DPYD: variants seen among roughly 807,000 people sequenced by gnomAD.
DPYD encodes dihydropyrimidine dehydrogenase [NADP(+)].
In DPYD, 109 loss-of-function variants were observed where a neutral mutation model predicts 116.2. The observed-to-expected ratio is 0.94, with a 90% CI of 0.80 to 1.10. DPYD has a LOEUF of 1.10. Among genes scored for constraint, DPYD ranks in the 50% least tolerant of loss-of-function variants. DPYD has a pLI of 0.00. For missense variants in DPYD, 1,302 were observed against 1,254.5 expected (o/e 1.04, Z -0.57); for synonymous variants, 440 against 432.0 (o/e 1.02, Z -0.23).
intron 20 of DPYD, among the ~76,000 whole-genome samples, chr1:97,186,417 C>T (rs895655190): frequency 6.6e-6 from 1 of 152,136 alleles, no homozygotes; most frequent in African/African-American, 2.4e-5. Context: ...CTACACCCTG[C>T]TTCTACCCTC....
intron 8 of DPYD, among the ~76,000 whole-genome samples, chr1:97,622,437 A>G (rs1353792385): frequency 6.6e-6 from 1 of 152,022 alleles, no homozygotes; most frequent in Non-Finnish European, 1.5e-5. Flanking sequence ...CATCAAAAAT[A>G]AGGAAAGTCT....
rs140308437 is a variant in DPYD at position 97,119,681 on chromosome 1, T to A, written c.2623-21049A>T. On this transcript the variant is annotated intron_variant, in intron 20 of 22. Coordinates refer to ENST00000370192, the MANE Select transcript of DPYD (RefSeq NM_000110.4). The stretch of plus-strand genomic sequence containing the variant: ...GGAACTACTGACCCCTCTGACTTCA[T>A]CCTGACAGTTTCAGCCCTCTCACAA... Among the ~76,000 whole-genome samples the A allele has an allele frequency of 5.0e-3, 764 of 152,278 alleles. 10 individuals are homozygous for A. Among genetic ancestry groups the A allele is most frequent in the African/African-American group, 0.017 (720 of 41,556 alleles).
intron 14 of DPYD, among the ~76,000 whole-genome samples, chr1:97,385,235 T>C (rs1431954511): frequency 8.2e-6 from 1 of 122,468 alleles, no homozygotes; most frequent in African/African-American, 3.2e-5. Flanking sequence ...GGGCACCAGA[T>C]CTTCCAGGAC....
intron 5 of DPYD, among the ~76,000 whole-genome samples, chr1:97,705,555 C>T (rs1339685461): frequency 6.6e-6 from 1 of 151,860 alleles, no homozygotes; most frequent in African/African-American, 2.4e-5. Context: ...TGGGTTGGTT[C>T]CAAGTCTTTG....
chr1:97,749,876 T>C (rs1337352163), intron 3 of DPYD, among the ~76,000 whole-genome samples: 3 of 152,192 alleles, frequency 2.0e-5, no homozygotes, highest in African/African-American at 2.4e-5. Context: ...TAACAGTTTT[T>C]ATTATAGCTT....
chr1:97,221,942 A>G (rs935124802), intron 19 of DPYD, among the ~76,000 whole-genome samples: 1 of 152,074 alleles, frequency 6.6e-6, no homozygotes, highest in African/African-American at 2.4e-5. Flanking sequence ...ACTATTTCTA[A>G]TAGTCATTTG....
intron 8 of DPYD, among the ~76,000 whole-genome samples, chr1:97,620,406 AG>A (rs1266338740): frequency 6.6e-6 from 1 of 152,020 alleles, no homozygotes. Flanking sequence ...GTAGAGATAA[AG>A]GTCTCCCTAT....
At chr1:97,197,909 G>A (rs1264907781) in intron 19 of DPYD, among the ~76,000 whole-genome samples, 2 of 152,152 alleles carry the variant, frequency 1.3e-5, no homozygotes, top group Non-Finnish European at 2.9e-5. Flanking sequence ...AGACACGAGT[G>A]CTGGAGGGGA....
chr1:97,874,044 G>A (rs1671784583), intron 2 of DPYD, among the ~76,000 whole-genome samples: 1 of 151,910 alleles, frequency 6.6e-6, no homozygotes, highest in South Asian at 2.1e-4. Flanking sequence ...GCTTCATAGA[G>A]TTGTTCATCA....
chr1:97,890,078 T>C (rs1313955800), intron 1 of DPYD, among the ~76,000 whole-genome samples: 1 of 151,940 alleles, frequency 6.6e-6, no homozygotes, highest in Non-Finnish European at 1.5e-5. Context: ...TCTATAGAGA[T>C]AAAAAGTATA....
At chr1:97,769,128 T>A (rs1666020315) in intron 3 of DPYD, among the ~76,000 whole-genome samples, 1 of 152,070 alleles carries the variant, frequency 6.6e-6, no homozygotes, top group African/African-American at 2.4e-5. Flanking sequence ...CCCAGATTCT[T>A]TACAAACTAT....
chr1:97,355,561 G>C (rs1315417191), intron 16 of DPYD, among the ~76,000 whole-genome samples: 1 of 151,868 alleles, frequency 6.6e-6, no homozygotes, highest in Non-Finnish European at 1.5e-5. Context: ...CCTATTCTTT[G>C]ACCATCTTCT....
At chr1:97,136,714 A>G (rs999951673) in intron 20 of DPYD, among the ~76,000 whole-genome samples, 3 of 152,168 alleles carry the variant, frequency 2.0e-5, no homozygotes, top group Non-Finnish European at 4.4e-5. Context: ...GAATAGTCTG[A>G]ACTTCCCCAA....
intron 10 of DPYD, among the ~76,000 whole-genome samples, chr1:97,583,898 C>A (rs1053900710): frequency 1.3e-5 from 2 of 152,050 alleles, no homozygotes; most frequent in Non-Finnish European, 2.9e-5. Flanking sequence ...CTTCATAGCA[C>A]CATGATTTAT....
At chr1:97,179,725 T>C (rs544223732) in intron 20 of DPYD, among the ~76,000 whole-genome samples, 1 of 152,106 alleles carries the variant, frequency 6.6e-6, no homozygotes, top group Non-Finnish European at 1.5e-5. Context: ...GTGCGCATTG[T>C]AGTCACATCT....
intron 18 of DPYD, among the ~76,000 whole-genome samples, chr1:97,294,558 G>A (rs1000672225): frequency 2.0e-5 from 3 of 152,118 alleles, no homozygotes; most frequent in African/African-American, 4.8e-5. Context: ...GAATCTGTTC[G>A]AAAAGAAGGT....
intron 3 of DPYD, among the ~76,000 whole-genome samples, chr1:97,782,916 G>T (rs1266903745): frequency 6.6e-6 from 1 of 152,120 alleles, no homozygotes; most frequent in East Asian, 1.9e-4. Context: ...ACCCTAATGT[G>T]AGCCATGTGA....
chr1:97,593,080 G>C, intron 10 of DPYD, 138 bp downstream of exon 10: 1 of 993,074 alleles, frequency 1.0e-6, no homozygotes, highest in African/African-American at 1.6e-5. Flanking sequence ...AATTAGAAAA[G>C]AAACAATTAT....
At chr1:97,312,028 GGT>G (rs1667550678) in intron 16 of DPYD, among the ~76,000 whole-genome samples, 1 of 151,518 alleles carries the variant, frequency 6.6e-6, no homozygotes, top group Non-Finnish European at 1.5e-5. Context: ...TTCTTGACCT[GGT>G]GGTCACATGG....
Sources: allele counts gnomAD v4.1 joint callset (sites outside exome capture counted in the v4.1 genomes callset), GRCh38; gene constraint gnomAD v4.1.1; transcripts MANE v1.5; gene names NCBI Gene and HGNC (gene_info 2026-07-23, HGNC 2026-07-21).